C3orf49: variants seen among roughly 807,000 people sequenced by gnomAD.
The protein encoded by C3orf49 is chromosome 3 open reading frame 49.
In C3orf49, 27 loss-of-function variants were observed where a neutral mutation model predicts 13.3. The ratio of observed to expected loss-of-function variants is 2.02; its 90% CI spans 1.49 to 2.79. The LOEUF (loss-of-function observed/expected upper bound fraction) is 2.79, where lower values mean the gene tolerates loss of function less well. Ranked by LOEUF, C3orf49 falls within the 30% of genes most tolerant of loss-of-function variation. The pLI, the probability that C3orf49 is intolerant of heterozygous loss-of-function variation, is 0.00. For missense variants in C3orf49, 242 were observed against 134.2 expected (o/e 1.80, Z -3.97); for synonymous variants, 87 against 47.6 (o/e 1.83, Z -3.40).
the C3orf49 span, among the ~76,000 whole-genome samples, chr3:63,806,973 A>ACT: frequency 7.9e-5 from 12 of 151,656 alleles, 1 homozygote; most frequent in South Asian, 2.3e-3. Flanking sequence ...TTTTTTTTAG[A>ACT]CGGAGTCTCG....
the C3orf49 span, among the ~76,000 whole-genome samples, chr3:63,791,156 G>A: frequency 2.6e-5 from 4 of 152,168 alleles, no homozygotes; most frequent in Non-Finnish European, 5.9e-5. Context: ...GGTGGAGAAT[G>A]GGGTGCACCA....
chr3:63,780,398 T>C, the C3orf49 span, among the ~76,000 whole-genome samples: 6 of 152,304 alleles, frequency 3.9e-5, no homozygotes, highest in African/African-American at 1.4e-4. Context: ...TGTTGGACAT[T>C]TGGGTTGGTT....
the C3orf49 span, among the ~76,000 whole-genome samples, chr3:63,797,219 T>TTC: frequency 5.3e-3 from 803 of 152,102 alleles, 10 homozygotes; most frequent in African/African-American, 0.018. Flanking sequence ...TTTCAAGATT[T>TTC]TCTCTCTCTC....
the C3orf49 span, among the ~76,000 whole-genome samples, chr3:63,783,718 A>C: frequency 2.1e-5 from 3 of 141,226 alleles, no homozygotes; most frequent in African/African-American, 8.5e-5. Flanking sequence ...ACTCCATCTC[A>C]AAAAAAAATT....
the C3orf49 span, among the ~76,000 whole-genome samples, chr3:63,807,325 T>C: frequency 6.6e-6 from 1 of 152,162 alleles, no homozygotes; most frequent in African/African-American, 2.4e-5. Context: ...ACTCATATTT[T>C]TTTCATTTAA....
Position 63,823,276 on chromosome 3 carries a change from T to G in C3orf49, c.152T>G (p.Leu51Ter). The G allele has an allele frequency of 1.4e-6, 1 of 702,890 alleles. No individual in the cohort carries two copies. Among genetic ancestry groups the G allele is most frequent in the Non-Finnish European group, 2.6e-6 (1 of 384,896 alleles). 43.5% of individuals were successfully genotyped at this position (702,890 alleles called of 1,614,324 possible). A position where few individuals can be genotyped will look rare whatever the true frequency, so the allele number is the denominator to read the frequency against. Reference protein sequence around the residue: ...ERWHRAVSTNLLKQNVLVPKE... With the variant: ...ERWHRAVSTN ...TGGCATAGAGCTGTGTCTACCAACT[T>G]ACTAAAACAAAATGTATTGGTCCCT... Residue 51 changes from leucine (L) to a stop codon, truncating the protein, a stop_gained, in exon 2 of 7, where the codon TTA (leucine) becomes TGA (stop). Coordinates refer to ENST00000295896, the MANE Select transcript of C3orf49 (RefSeq NM_001355236.2). LOFTEE classifies it high-confidence loss of function.
chr3:63,842,003 G>C (rs1701770532), intron 5 of C3orf49, among the ~76,000 whole-genome samples: 1 of 152,126 alleles, frequency 6.6e-6, no homozygotes, highest in Non-Finnish European at 1.5e-5. Flanking sequence ...ATACATTAAA[G>C]TAATAGGAAA....
At chr3:63,795,650 C>G in the C3orf49 span, among the ~76,000 whole-genome samples, 1 of 152,156 alleles carries the variant, frequency 6.6e-6, no homozygotes, top group Non-Finnish European at 1.5e-5. Context: ...AGGCTGTAAA[C>G]ACTGTGTACA....
chr3:63,807,259 A>C, the C3orf49 span, among the ~76,000 whole-genome samples: 2 of 152,104 alleles, frequency 1.3e-5, no homozygotes, highest in Non-Finnish European at 2.9e-5. Flanking sequence ...GCCCTCATAC[A>C]TATTTTTTGA....
the C3orf49 span, among the ~76,000 whole-genome samples, chr3:63,785,065 C>CTTTTTTTTTTTTTTT: frequency 1.7e-4 from 11 of 64,970 alleles, no homozygotes; most frequent in African/African-American, 6.1e-4. Context: ...TCTTCTTCTT[C>CTTTTTTTTTTTTTTT]TTTTTTTTTT....
chr3:63,840,517 G>T (rs538222551), intron 5 of C3orf49, among the ~76,000 whole-genome samples: 3 of 152,072 alleles, frequency 2.0e-5, no homozygotes, highest in Admixed American at 2.0e-4. Context: ...CTTGAGCCTC[G>T]GAGATCAAGG....
At chr3:63,783,225 T>A in the C3orf49 span, 5 of 152,130 alleles carry the variant, frequency 3.3e-5, no homozygotes, top group African/African-American at 1.2e-4. Context: ...ATACTTGAAA[T>A]GTACTATTAA....
chr3:63,830,986 T>C (rs1053512615), intron 3 of C3orf49, 124 bp from the exon 4 acceptor site: 2 of 568,294 alleles, frequency 3.5e-6, no homozygotes, highest in African/African-American at 4.2e-5. Context: ...CAATCCAATA[T>C]TGTTATGTGG....
intron 3 of C3orf49, among the ~76,000 whole-genome samples, chr3:63,830,344 T>C (rs1371601798): frequency 3.3e-5 from 5 of 152,206 alleles, no homozygotes; most frequent in African/African-American, 7.2e-5. Context: ...GGGAAGATTC[T>C]GCAAGTGACA....
At chr3:63,798,371 G>A in the C3orf49 span, among the ~76,000 whole-genome samples, 1 of 151,984 alleles carries the variant, frequency 6.6e-6, no homozygotes, top group Non-Finnish European at 1.5e-5. Context: ...TTACTGTTGA[G>A]GCAAATTACT....
At chr3:63,802,613 A>G in the C3orf49 span, among the ~76,000 whole-genome samples, 2 of 152,184 alleles carry the variant, frequency 1.3e-5, no homozygotes, top group Non-Finnish European at 2.9e-5. Flanking sequence ...ATAATGCTAA[A>G]TATTGAAGTA....
the C3orf49 span, among the ~76,000 whole-genome samples, chr3:63,813,390 G>A: frequency 7.0e-4 from 106 of 152,240 alleles, 3 homozygotes; most frequent in South Asian, 0.021. Flanking sequence ...TTCATATGTT[G>A]TTTTTCCAGT....
chr3:63,846,186 T>TCAGTCTG (rs1185519549), intron 6 of C3orf49: 2 of 451,708 alleles, frequency 4.4e-6, no homozygotes, highest in African/African-American at 4.0e-5. Flanking sequence ...TACTAAATAT[T>TCAGTCTG]CAGTCTGCTT....
At chr3:63,837,982 G>C in intron 5 of C3orf49, 2 of 1,606,658 alleles carry the variant, frequency 1.2e-6, no homozygotes, top group Non-Finnish European at 8.5e-7. Flanking sequence ...TTACCTTGGC[G>C]ATTTTTTCGT....
Sources: allele counts gnomAD v4.1 joint callset (sites outside exome capture counted in the v4.1 genomes callset), GRCh38; gene constraint gnomAD v4.1.1; transcripts MANE v1.5; gene names NCBI Gene and HGNC (gene_info 2026-07-23, HGNC 2026-07-21).